Variants in IGSF21 observed in about 807,000 individuals in gnomAD.
The protein encoded by IGSF21 is immunoglobin superfamily member 21, also known as immunoglobulin superfamily member 21.
IGSF21 carries 28 observed loss-of-function variants against 46.8 expected under a neutral mutation model. That is an observed-to-expected ratio of 0.60 (90% CI 0.44 to 0.82). IGSF21 has a LOEUF of 0.82. IGSF21 is among the 40% of genes least tolerant of loss of function. The probability of loss-of-function intolerance (pLI) is 0.00; values close to 1 mark genes in which losing one functional copy is unlikely to be tolerated. For synonymous variants in IGSF21, 284 were observed against 273.6 expected (o/e 1.04, Z -0.38); for missense variants, 624 against 665.5 (o/e 0.94, Z 0.69).
intron 1 of IGSF21, among the ~76,000 whole-genome samples, chr1:18,219,519 T>C (rs955255972): frequency 6.6e-6 from 1 of 151,244 alleles, no homozygotes; most frequent in African/African-American, 2.5e-5. Context: ...AAACAAATGA[T>C]GGTGGCCAGG....
rs766097234 is a variant in IGSF21 at position 18,337,052 on chromosome 1, C to T, written c.424+2042C>T. ...CAACACATGGGAATTGTGGGAGCTA[C>T]AGTATAAGATGAGATTTGAGTTGGG... On this transcript the variant is annotated intron_variant, in intron 4 of 9. Transcript: ENST00000251296. This position sits in a 1 kb window ranked among gnomAD's most constrained non-coding sequence, Gnocchi z 5.7. Among the ~76,000 whole-genome samples the T allele has an allele frequency of 6.6e-6, 1 of 152,190 alleles. No homozygotes were observed. Among genetic ancestry groups the T allele is most frequent in the Admixed American group, 6.5e-5 (1 of 15,274 alleles).
intron 1 of IGSF21, chr1:18,110,314 C>T: frequency 6.6e-6 from 1 of 152,440 alleles, no homozygotes; most frequent in Non-Finnish European, 1.5e-5. Context: ...GGGGTCCCTC[C>T]TTCCTCCTTC....
At chr1:18,209,567 G>A (rs1379798930) in intron 1 of IGSF21, among the ~76,000 whole-genome samples, 7 of 151,038 alleles carry the variant, frequency 4.6e-5, no homozygotes, top group Non-Finnish European at 1.5e-5. Flanking sequence ...CGATTCTCCT[G>A]CCTCAGCCTC....
chr1:18,355,662 G>T (rs929615383), intron 4 of IGSF21, among the ~76,000 whole-genome samples: 1 of 152,076 alleles, frequency 6.6e-6, no homozygotes, highest in Non-Finnish European at 1.5e-5. Flanking sequence ...TAGGGGCAGA[G>T]ATCAGTGGAT....
intron 1 of IGSF21, among the ~76,000 whole-genome samples, chr1:18,180,391 C>A (rs1391375980): frequency 6.6e-6 from 1 of 152,026 alleles, no homozygotes; most frequent in Non-Finnish European, 1.5e-5. Context: ...GGTTGCTGAG[C>A]CCTCAGCCTT....
At chr1:18,118,443 G>A (rs776387629) in intron 1 of IGSF21, among the ~76,000 whole-genome samples, 1 of 152,328 alleles carries the variant, frequency 6.6e-6, no homozygotes, top group East Asian at 1.9e-4. Flanking sequence ...GGTGCTCACC[G>A]CCCGAGTGCT....
intron 2 of IGSF21, among the ~76,000 whole-genome samples, chr1:18,280,570 A>G (rs2085149240): frequency 6.6e-6 from 1 of 152,186 alleles, no homozygotes; most frequent in South Asian, 2.1e-4. Flanking sequence ...GAAGAACCCG[A>G]TTCATCCTCC....
chr1:18,374,100 C>T (rs988737834), intron 6 of IGSF21, among the ~76,000 whole-genome samples: 23 of 152,290 alleles, frequency 1.5e-4, no homozygotes, highest in Admixed American at 9.8e-4. Context: ...TGGCTGCAGC[C>T]AACAATGCCG....
intron 2 of IGSF21, 68 bp from the exon 3 acceptor site, chr1:18,291,798 T>C: frequency 1.3e-6 from 2 of 1,584,364 alleles, no homozygotes; most frequent in Non-Finnish European, 1.7e-6. Context: ...CTTGTCAGTG[T>C]CCTGGGGAAA....
At chr1:18,225,081 T>TCA (rs1254329422) in intron 1 of IGSF21, among the ~76,000 whole-genome samples, 3 of 31,136 alleles carry the variant, frequency 9.6e-5, no homozygotes, top group African/African-American at 1.7e-4. Flanking sequence ...TCTCTCTCTC[T>TCA]CTCTCACACA....
intron 1 of IGSF21, among the ~76,000 whole-genome samples, chr1:18,191,157 C>T (rs1380819304): frequency 1.3e-5 from 2 of 152,230 alleles, no homozygotes; most frequent in South Asian, 2.1e-4. Context: ...CGTTAAGCAC[C>T]CACTCAGTGC....
At position 18,365,235 on chromosome 1, in the gene IGSF21, C is replaced by T. The variant is rs757037536; in HGVS notation, c.553C>T (p.Arg185Ter). The T allele has an allele frequency of 8.8e-6, 14 of 1,598,554 alleles. No individual in the cohort carries two copies. The highest frequency in any genetic ancestry group is 2.2e-5 in the East Asian group (1 of 44,594). ...GKPAPMVYFK[R>*]DGEPIDAVPL... ...CTTACAATGGCAGGTTTATTTCAAA[C>T]GAGATGGGGAACCAATCGACGCAGT... The change falls in exon 6 of 10, where the codon CGA (arginine) becomes TGA (stop). Residue 185 changes from arginine (R) to a stop codon, truncating the protein, a stop_gained. Transcript: ENST00000251296. LOFTEE classifies it high-confidence loss of function. The surrounding 1 kb of genome is among the most constrained non-coding windows in gnomAD (Gnocchi z 4.8).
chr1:18,108,170 G>A lies in IGSF21; in HGVS notation c.42G>A (p.Leu14=). The part of the protein sequence containing the change: ...APSLRRCVCL[L]LAAILDLARG... ...GCCTCCGCCGCTGCGTCTGCCTGCTGCTCGCCGCGATCCTGGACCTGGCGC... is the reference window on the plus strand; with the variant it reads ...GCCTCCGCCGCTGCGTCTGCCTGCTACTCGCCGCGATCCTGGACCTGGCGC... The change falls in exon 1 of 10, where the codon CTG becomes CTA. Residue 14 remains leucine (L), a synonymous_variant. Transcript: ENST00000251296. The A allele has an allele frequency of 6.9e-7, 1 of 1,448,372 alleles. No homozygotes were observed. Among genetic ancestry groups the A allele is most frequent in the Non-Finnish European group, 9.1e-7 (1 of 1,103,882 alleles). The allele number at this position is 1,448,372 out of a possible 1,614,324, so 89.7% of individuals were successfully genotyped here.
intron 2 of IGSF21, among the ~76,000 whole-genome samples, chr1:18,265,924 G>A (rs940993826): frequency 1.3e-5 from 2 of 152,214 alleles, no homozygotes; most frequent in South Asian, 2.1e-4. Flanking sequence ...TTCCTCCTGA[G>A]CCATAGAGAT....
rs371486981 is a variant in IGSF21, at chr1:18,228,053, T to C, written c.183+43T>C. The C allele has an allele frequency of 7.6e-6, 11 of 1,452,848 alleles. No individual in the cohort carries two copies. The African/African-American group carries it at 1.3e-4, about 17-fold the overall frequency. 90.0% of individuals were successfully genotyped at this position (1,452,848 alleles called of 1,614,324 possible). ...CCCCCTTCATGCCCATGGCCAGGAC[T>C]GGTGTGAGGTCCTCAGAGCCCTCTG... On this transcript the variant is annotated intron_variant, in intron 2 of 9. Transcript: ENST00000251296.
chr1:18,185,253 G>C (rs561751628), intron 1 of IGSF21, among the ~76,000 whole-genome samples: 1 of 152,282 alleles, frequency 6.6e-6, no homozygotes, highest in Admixed American at 6.5e-5. Context: ...CCTATCTAGG[G>C]ACTAATGGAA....
intron 2 of IGSF21, among the ~76,000 whole-genome samples, chr1:18,234,795 G>A (rs923024136): frequency 6.6e-6 from 1 of 151,628 alleles, no homozygotes; most frequent in Non-Finnish European, 1.5e-5. Flanking sequence ...AGTTCAAGAC[G>A]AGATTTGGGT....
chr1:18,342,021 A>C (rs573796980), intron 4 of IGSF21, among the ~76,000 whole-genome samples: 1 of 147,372 alleles, frequency 6.8e-6, no homozygotes, highest in Non-Finnish European at 1.5e-5. Flanking sequence ...TGTTCTACTG[A>C]TTTTTATTAA....
At position 18,108,092 on chromosome 1, in the gene IGSF21, CCCGCCGCCCCGCCA is replaced by C. The variant is rs1387160292; in HGVS notation, c.-28_-15del. The stretch of plus-strand genomic sequence containing the variant: ...GGGACCCGCCGCCACCGCCTCCACC[CCCGCCGCCCCGCCA>C]CCGCCGCCAGCTCCCGGGCACCATG... On this transcript the variant is annotated 5_prime_UTR_variant, in exon 1 of 10. Transcript: ENST00000251296. 1.8e-6 allele frequency: 2 copies of C among 1,100,978 alleles called. No homozygotes were observed. The highest frequency in any genetic ancestry group is 3.5e-5 in the East Asian group (1 of 28,300). The allele number at this position is 1,100,978 out of a possible 1,614,324, so 68.2% of individuals were successfully genotyped here.
Sources: gnomAD v4.1 joint callset for allele counts (sites outside exome capture counted in the v4.1 genomes callset) on GRCh38, gnomAD v4.1.1 for gene constraint, Gnocchi (gnomAD v3.1) non-coding constraint, MANE v1.5 for transcripts, NCBI Gene and HGNC (gene_info 2026-07-23, HGNC 2026-07-21) for gene names.